The following ZNF718 variants were observed in gnomAD, a reference collection of about 807,000 sequenced individuals.
ZNF718 encodes zinc finger protein 718.
In ZNF718, 3 loss-of-function variants were observed where a neutral mutation model predicts 2.6. The ratio of observed to expected loss-of-function variants is 1.16; its 90% CI spans 0.53 to 3.01. The LOEUF is 3.01. Ranked by LOEUF, ZNF718 falls within the 30% of genes most tolerant of loss-of-function variation. The pLI, the probability that ZNF718 is intolerant of heterozygous loss-of-function variation, is 0.03. For synonymous variants in ZNF718, 135 were observed against 77.9 expected, an observed-to-expected ratio of 1.73 and a Z score of -3.86; for missense variants, 468 against 230.0, an observed-to-expected ratio of 2.03 and a Z score of -6.69.
chr4:162,243 TC>T lies in ZNF718; in HGVS notation c.*122del. ...AGCTTTTAACCGCAACTCAATCTGT[TC>T]TAAACATAAGAGAAATGGTATTGGT... On this transcript the variant is annotated 3_prime_UTR_variant, in exon 4 of 4. Coordinates refer to ENST00000510175, the MANE Select transcript of ZNF718 (RefSeq NM_001039127.6). 1.8e-6 allele frequency: 1 copy of T among 556,694 alleles called. No individual in the cohort carries two copies. Among genetic ancestry groups the T allele is most frequent in the Non-Finnish European group, 3.2e-6 (1 of 307,892 alleles). 34.5% of individuals were successfully genotyped at this position (556,694 alleles called of 1,614,324 possible).
chr4:124,971 G>C, intron 1 of ZNF718: 1 of 362,820 alleles, frequency 2.8e-6, no homozygotes, highest in East Asian at 6.3e-5. Flanking sequence ...GGGAGGAGCT[G>C]TGGTCCGGAA....
chr4:199,050 C>G (rs1717847025), intron 3 of ZNF718, among the ~76,000 whole-genome samples: 1 of 152,208 alleles, frequency 6.6e-6, no homozygotes, highest in Non-Finnish European at 1.5e-5. Context: ...CAGTGCAGTC[C>G]TGCTTAACTG....
At position 154,969 on chromosome 4, in the gene ZNF718, G is replaced by A. The variant is rs149733866; in HGVS notation, c.227-5943G>A. Among the ~76,000 whole-genome samples the A allele has an allele frequency of 7.2e-5, 11 of 152,278 alleles. No homozygotes were observed. The East Asian group carries it at 2.1e-3, about 29-fold the overall frequency. ...CTAGGCCCCCCTTCCTAGGGCGTTG[G>A]TGCCCTGTGTCCCAGCTACTCTACC... On this transcript the variant is annotated intron_variant, in intron 3 of 3. Coordinates refer to ENST00000510175, the MANE Select transcript of ZNF718 (RefSeq NM_001039127.6).
chr4:190,505 CAAG>C (rs1177912400), intron 3 of ZNF718, among the ~76,000 whole-genome samples: 1 of 143,950 alleles, frequency 6.9e-6, no homozygotes, highest in Non-Finnish European at 1.5e-5. Flanking sequence ...GTGGAAGAAA[CAAG>C]AAGCTATAAG....
At chr4:174,262 C>A (rs1354531249) in intron 3 of ZNF718, among the ~76,000 whole-genome samples, 1 of 152,192 alleles carries the variant, frequency 6.6e-6, no homozygotes, top group Non-Finnish European at 1.5e-5. Flanking sequence ...GACCAATCTT[C>A]AGCCACCCTC....
At chr4:194,166 G>A (rs182851844) in intron 3 of ZNF718, among the ~76,000 whole-genome samples, 19 of 152,230 alleles carry the variant, frequency 1.2e-4, no homozygotes, top group Admixed American at 2.6e-4. Flanking sequence ...GGCCTAAGGC[G>A]GGCTCTTGAA....
chr4:145,169 G>A (rs1553811010), intron 3 of ZNF718, among the ~76,000 whole-genome samples: 1 of 152,058 alleles, frequency 6.6e-6, no homozygotes, highest in Non-Finnish European at 1.5e-5. Context: ...ATTTTGGAGG[G>A]ACACTCAAAC....
chr4:181,434 G>A (rs1717460161), intron 3 of ZNF718, among the ~76,000 whole-genome samples: 1 of 151,802 alleles, frequency 6.6e-6, no homozygotes, highest in African/African-American at 2.4e-5. Flanking sequence ...TAAAATTAGA[G>A]ATATAATCAA....
intron 3 of ZNF718, among the ~76,000 whole-genome samples, chr4:184,430 T>G (rs1553820232): frequency 6.6e-6 from 1 of 152,220 alleles, no homozygotes; most frequent in African/African-American, 2.4e-5. Context: ...TTGAGGATTT[T>G]TGCATCCATG....
At chr4:140,252 CAT>C (rs1241480802) in intron 3 of ZNF718, among the ~76,000 whole-genome samples, 1 of 152,144 alleles carries the variant, frequency 6.6e-6, no homozygotes, top group Non-Finnish European at 1.5e-5. Context: ...AGGTCAGAGA[CAT>C]CTGACACTGA....
chr4:161,123 T>C lies in ZNF718; in HGVS notation c.438T>C (p.Asn146=). Residue 146 remains asparagine (N), a synonymous_variant, in exon 4 of 4, where the codon AAT becomes AAC. Transcript: ENST00000510175. The part of the protein sequence containing the change: ...LTTQKKTIQS[N]ICVKVFHKFS... ...CCCAGAAAAAAACAATTCAATCTAA[T>C]ATATGTGTCAAAGTTTTTCATAAAT... 1.3e-6 allele frequency: 1 copy of C among 760,224 alleles called. No homozygotes were observed. The highest frequency in any genetic ancestry group is 2.5e-6 in the Non-Finnish European group (1 of 407,108). The allele number at this position is 760,224 out of a possible 1,614,324, so 47.1% of individuals were successfully genotyped here.
intron 3 of ZNF718, chr4:149,628 A>G (rs1360289306): frequency 6.6e-6 from 1 of 152,206 alleles, no homozygotes; most frequent in Non-Finnish European, 1.5e-5. Flanking sequence ...TTTATAAATC[A>G]GACATTTTTA....
chr4:194,275 A>G (rs1553821695), intron 3 of ZNF718, among the ~76,000 whole-genome samples: 1 of 152,188 alleles, frequency 6.6e-6, no homozygotes, highest in Non-Finnish European at 1.5e-5. Context: ...TGCTTCCTCA[A>G]TGCCTCCCTT....
At chr4:135,693 T>C (rs1480174173) in intron 3 of ZNF718, among the ~76,000 whole-genome samples, 5 of 116,416 alleles carry the variant, frequency 4.3e-5, no homozygotes, top group Non-Finnish European at 9.3e-5. Flanking sequence ...GATGCTTTAA[T>C]GAATGCATTT....
chr4:127,646 C>T (rs1715270337), intron 1 of ZNF718, among the ~76,000 whole-genome samples: 1 of 104,962 alleles, frequency 9.5e-6, no homozygotes, highest in Non-Finnish European at 2.1e-5. Flanking sequence ...AATACATGTT[C>T]TTTTAATGAT....
At chr4:137,893 T>C (rs1441082218) in intron 3 of ZNF718, among the ~76,000 whole-genome samples, 1 of 152,240 alleles carries the variant, frequency 6.6e-6, no homozygotes, top group Non-Finnish European at 1.5e-5. Flanking sequence ...CCAAGACCAA[T>C]GTCATAATCT....
chr4:162,023 T>C lies in ZNF718; in HGVS notation c.1338T>C (p.Thr446=), dbSNP rs782202122. Residue 446 remains threonine, a synonymous_variant, in exon 4 of 4, where the codon ACT becomes ACC. Coordinates refer to ENST00000510175, the MANE Select transcript of ZNF718 (RefSeq NM_001039127.6). The part of the protein sequence containing the change: ...SHLNKHKKIH[T]VDKPYKCKEC... ...TGAATAAACATAAGAAAATTCACACTGTAGATAAACCCTACAAATGTAAAG... is the reference window on the plus strand; with the variant it reads ...TGAATAAACATAAGAAAATTCACACCGTAGATAAACCCTACAAATGTAAAG... The C allele has an allele frequency of 2.6e-6, 2 of 778,196 alleles. No homozygotes were observed. Among genetic ancestry groups the C allele is most frequent in the African/African-American group, 1.7e-5 (1 of 59,088 alleles). 48.2% of individuals were successfully genotyped at this position (778,196 alleles called of 1,614,324 possible). A position where few individuals can be genotyped will look rare whatever the true frequency, so the allele number is the denominator to read the frequency against.
intron 3 of ZNF718, among the ~76,000 whole-genome samples, chr4:141,383 TGTTA>T (rs1447011448): frequency 6.6e-6 from 1 of 152,220 alleles, no homozygotes; most frequent in Admixed American, 6.5e-5. Flanking sequence ...TTCATAAAGC[TGTTA>T]GTTTTGATTA....
intron 3 of ZNF718, among the ~76,000 whole-genome samples, chr4:183,434 G>A (rs548155450): frequency 1.3e-5 from 2 of 152,298 alleles, no homozygotes; most frequent in South Asian, 2.1e-4. Context: ...CAGGTAGCCT[G>A]ATGCCTCCAG....
Sources: gnomAD v4.1 joint callset for allele counts (sites outside exome capture counted in the v4.1 genomes callset) on GRCh38, gnomAD v4.1.1 for gene constraint, MANE v1.5 for transcripts, NCBI Gene and HGNC (gene_info 2026-07-23, HGNC 2026-07-21) for gene names.